PPARGC1A: variants seen among roughly 807,000 people sequenced by gnomAD.
The protein encoded by PPARGC1A is PPARG coactivator 1 alpha, also known as peroxisome proliferator-activated receptor gamma coactivator 1-alpha.
A neutral mutation model predicts 88.7 loss-of-function variants in PPARGC1A; 25 were observed. That is an observed-to-expected ratio of 0.28 (90% CI 0.21 to 0.39). The LOEUF (loss-of-function observed/expected upper bound fraction) is 0.39, where lower values mean the gene tolerates loss of function less well. Among genes scored for constraint, PPARGC1A ranks in the 10% least tolerant of loss-of-function variants. The pLI, the probability that PPARGC1A is intolerant of heterozygous loss-of-function variation, is 1.00. For missense variants in PPARGC1A, 880 were observed against 968.7 expected (o/e 0.91, Z 1.22); for synonymous variants, 363 against 355.6 (o/e 1.02, Z -0.24).
At chr4:24,130,533 A>T in the PPARGC1A span, among the ~76,000 whole-genome samples, 1 of 152,120 alleles carries the variant, frequency 6.6e-6, no homozygotes. Flanking sequence ...TGTTTTAAAG[A>T]TGAAGAAACT....
At chr4:24,092,833 A>C in the PPARGC1A span, among the ~76,000 whole-genome samples, 1 of 152,244 alleles carries the variant, frequency 6.6e-6, no homozygotes, top group Non-Finnish European at 1.5e-5. Context: ...CAGAAAATGT[A>C]AGATGGTTTC....
rs140932646 is a variant in PPARGC1A at position 23,881,520 on chromosome 4, G to A, written c.234+3232C>T. Among the ~76,000 whole-genome samples the A allele has an allele frequency of 3.4e-3, 519 of 152,166 alleles. 4 individuals carry two copies. The highest frequency in any genetic ancestry group is 0.012 in the African/African-American group (500 of 41,534). ...TAAACTTAGATTCAAACATATGGAA[G>A]AAACAAAAAGAAGAGATACATAATT... On this transcript the variant is annotated intron_variant, in intron 2 of 12. Coordinates refer to ENST00000264867, the MANE Select transcript of PPARGC1A (RefSeq NM_013261.5).
the PPARGC1A span, among the ~76,000 whole-genome samples, chr4:24,444,028 C>CGTT: frequency 0.01 from 1,533 of 152,070 alleles, 30 homozygotes; most frequent in African/African-American, 0.036. Context: ...GTAATTTCGT[C>CGTT]GTTGTTGTTG....
chr4:23,986,389 G>A, the PPARGC1A span, among the ~76,000 whole-genome samples: 9 of 151,978 alleles, frequency 5.9e-5, no homozygotes, highest in African/African-American at 2.2e-4. Flanking sequence ...AAAATGATTT[G>A]TATATGACTC....
chr4:23,869,786 G>C (rs1312593291), intron 2 of PPARGC1A, among the ~76,000 whole-genome samples: 1 of 152,086 alleles, frequency 6.6e-6, no homozygotes, highest in Non-Finnish European at 1.5e-5. Flanking sequence ...TTGAGGACTG[G>C]GTAGGATAAA....
At chr4:24,056,690 ATG>A in the PPARGC1A span, among the ~76,000 whole-genome samples, 6 of 152,220 alleles carry the variant, frequency 3.9e-5, no homozygotes, top group African/African-American at 1.4e-4. Flanking sequence ...GATCTGTAAA[ATG>A]AGGAATATAA....
chr4:23,937,027 C>T, the PPARGC1A span, among the ~76,000 whole-genome samples: 1 of 151,898 alleles, frequency 6.6e-6, no homozygotes, highest in African/African-American at 2.4e-5. Flanking sequence ...TGCGAAGTCA[C>T]GAAGAAGACC....
At chr4:24,164,473 A>G in the PPARGC1A span, among the ~76,000 whole-genome samples, 1 of 152,182 alleles carries the variant, frequency 6.6e-6, no homozygotes, top group Non-Finnish European at 1.5e-5. Flanking sequence ...AGGAGAGGGG[A>G]GCAATGCCCA....
At chr4:24,470,330 T>TCA in the PPARGC1A span, among the ~76,000 whole-genome samples, 1 of 88,508 alleles carries the variant, frequency 1.1e-5, no homozygotes, top group Non-Finnish European at 2.6e-5. The surrounding 1 kb of genome is among the most constrained non-coding windows in gnomAD (Gnocchi z 5.8). Context: ...ACACACTCTC[T>TCA]CACACAGGCA....
At chr4:24,329,507 T>G in the PPARGC1A span, among the ~76,000 whole-genome samples, 2 of 152,084 alleles carry the variant, frequency 1.3e-5, no homozygotes, top group African/African-American at 4.8e-5. Flanking sequence ...CTCTCCACCT[T>G]CAGCCTTTGC....
the PPARGC1A span, among the ~76,000 whole-genome samples, chr4:24,190,521 A>T: frequency 1.3e-5 from 2 of 152,112 alleles, no homozygotes; most frequent in Admixed American, 6.5e-5. Context: ...TCTCAAAAAA[A>T]TAAAAATTAA....
At position 23,805,140 on chromosome 4, in the gene PPARGC1A, A is replaced by C. The variant is rs543254768; in HGVS notation, c.2020-2795T>G. Among the ~76,000 whole-genome samples, 6 of 152,128 alleles carry C rather than the reference A, an allele frequency of 3.9e-5. No individual in the cohort carries two copies. In the South Asian group the frequency reaches 1.2e-3, roughly 32 times the overall value. ...CTTGAACACTTATCCCATTCCCTTCATTACATCAAAGATGCCTAAGAGTGG... is the reference window on the plus strand; with the variant it reads ...CTTGAACACTTATCCCATTCCCTTCCTTACATCAAAGATGCCTAAGAGTGG... On this transcript the variant is annotated intron_variant, in intron 10 of 12. Transcript: ENST00000264867.
At chr4:24,006,687 T>C in the PPARGC1A span, among the ~76,000 whole-genome samples, 68 of 152,258 alleles carry the variant, frequency 4.5e-4, no homozygotes, top group South Asian at 0.011. Flanking sequence ...TGCCATATTG[T>C]AGCCTGCCCC....
chr4:23,910,410 C>A, the PPARGC1A span, among the ~76,000 whole-genome samples: 4 of 93,358 alleles, frequency 4.3e-5, no homozygotes, highest in Admixed American at 1.6e-4. Flanking sequence ...ATATATTAAC[C>A]CTATATATAT....
chr4:24,229,514 T>A, the PPARGC1A span, among the ~76,000 whole-genome samples: 1 of 151,468 alleles, frequency 6.6e-6, no homozygotes, highest in Non-Finnish European at 1.5e-5. Context: ...CCCACTGGTA[T>A]ACCCCTCAAA....
chr4:23,986,365 C>G, the PPARGC1A span, among the ~76,000 whole-genome samples: 1 of 152,034 alleles, frequency 6.6e-6, no homozygotes, highest in East Asian at 1.9e-4. Flanking sequence ...CATTTTGACT[C>G]AGGTTCTCAA....
the PPARGC1A span, among the ~76,000 whole-genome samples, chr4:24,400,943 T>A: frequency 6.6e-6 from 1 of 152,152 alleles, no homozygotes; most frequent in Non-Finnish European, 1.5e-5. Context: ...TGATTCAAAG[T>A]TGTTTACTTG....
the PPARGC1A span, among the ~76,000 whole-genome samples, chr4:23,969,655 A>T: frequency 6.6e-6 from 1 of 152,172 alleles, no homozygotes; most frequent in African/African-American, 2.4e-5. Flanking sequence ...TCCCACGATG[A>T]TCTCAGCTGT....
At chr4:24,188,361 CCAAAGAAACGAA>C in the PPARGC1A span, among the ~76,000 whole-genome samples, 1 of 152,052 alleles carries the variant, frequency 6.6e-6, no homozygotes, top group Admixed American at 6.5e-5. Flanking sequence ...CAGGCTTTCC[CCAAAGAAACGAA>C]AGGTGAGTCT....
Sources: allele counts gnomAD v4.1 joint callset (sites outside exome capture counted in the v4.1 genomes callset), GRCh38; gene constraint gnomAD v4.1.1; non-coding constraint Gnocchi (gnomAD v3.1); transcripts MANE v1.5; gene names NCBI Gene and HGNC (gene_info 2026-07-23, HGNC 2026-07-21).